STS: variants seen among roughly 807,000 people sequenced by gnomAD.
The protein encoded by STS is steryl-sulfatase.
STS carries 7 observed loss-of-function variants against 26.8 expected under a neutral mutation model. The observed-to-expected ratio is 0.26, with a 90% CI of 0.15 to 0.49. The LOEUF is 0.49. Among genes scored for constraint, STS ranks in the 20% least tolerant of loss-of-function variants. The pLI is 0.98. For synonymous variants in STS, 199 were observed against 189.4 expected (o/e 1.05, Z -0.42); for missense variants, 434 against 465.6 (o/e 0.93, Z 0.63).
intron 2 of STS, among the ~76,000 whole-genome samples, chrX:7,200,137 A>T (rs898633847): frequency 6.4e-5 from 7 of 109,684 alleles, no homozygotes; most frequent in African/African-American, 2.3e-4. Context: ...GAATATCTAG[A>T]ATCAGTTTAG....
At chrX:7,204,532 C>A (rs1401611530) in intron 2 of STS, among the ~76,000 whole-genome samples, 2 of 90,969 alleles carry the variant, frequency 2.2e-5, no homozygotes, top group African/African-American at 8.2e-5. Context: ...TCCCTCCCTC[C>A]CTCCCTCCTT....
At chrX:7,211,564 C>G (rs1921031886) in intron 2 of STS, among the ~76,000 whole-genome samples, 1 of 112,192 alleles carries the variant, frequency 8.9e-6, no homozygotes, top group South Asian at 3.7e-4. Flanking sequence ...ATTCTGCCTA[C>G]TACTCCCACG....
intron 1 of STS, among the ~76,000 whole-genome samples, chrX:7,169,221 A>G (rs758914866): frequency 9.0e-6 from 1 of 111,523 alleles, no homozygotes; most frequent in Non-Finnish European, 1.9e-5. Context: ...TCATACAAGT[A>G]GAATTATACA....
At chrX:7,229,198 G>A (rs1178850010) in intron 2 of STS, among the ~76,000 whole-genome samples, 5 of 111,998 alleles carry the variant, frequency 4.5e-5, no homozygotes, top group East Asian at 2.8e-4. Flanking sequence ...TCATATTTTC[G>A]CCTAGAAAAC....
At chrX:7,318,505 A>G (rs1362934158) in intron 8 of STS, among the ~76,000 whole-genome samples, 10 of 111,646 alleles carry the variant, frequency 9.0e-5, no homozygotes, top group African/African-American at 3.3e-4. Flanking sequence ...AAAAATTTTA[A>G]AACATTTTTT....
At chrX:7,320,663 C>T (rs1336383644) in intron 8 of STS, among the ~76,000 whole-genome samples, 2 of 111,765 alleles carry the variant, frequency 1.8e-5, no homozygotes, top group African/African-American at 6.5e-5. Context: ...GTAATTCACA[C>T]GTTGAGATTC....
intron 1 of STS, among the ~76,000 whole-genome samples, chrX:7,161,449 T>C (rs1457619473): frequency 8.9e-6 from 1 of 112,040 alleles, no homozygotes; most frequent in Non-Finnish European, 1.9e-5. Context: ...TTGCAGAAAA[T>C]GAACATCCAA....
intron 2 of STS, among the ~76,000 whole-genome samples, chrX:7,201,212 A>G (rs746055434): frequency 2.7e-5 from 3 of 111,784 alleles, no homozygotes; most frequent in African/African-American, 9.8e-5. Context: ...ATATATAGAT[A>G]TATAGATATC....
chrX:7,228,153 C>A (rs947667242), intron 2 of STS, among the ~76,000 whole-genome samples: 4 of 111,146 alleles, frequency 3.6e-5, no homozygotes, highest in Non-Finnish European at 7.5e-5. Flanking sequence ...GCTTCCATAT[C>A]TTGGCTATGG....
chrX:7,280,823 G>C (rs888899122), intron 7 of STS, among the ~76,000 whole-genome samples: 2 of 112,612 alleles, frequency 1.8e-5, no homozygotes, highest in Admixed American at 1.9e-4. Context: ...AGCAAGTTCT[G>C]TACTATTACA....
At chrX:7,271,798 A>G (rs1418996166) in intron 6 of STS, among the ~76,000 whole-genome samples, 2 of 107,768 alleles carry the variant, frequency 1.9e-5, no homozygotes, top group African/African-American at 3.4e-5. Flanking sequence ...AAAAAAAAAA[A>G]GGTTGGGGGG....
At chrX:7,325,871 G>C (rs777953324) in intron 9 of STS, among the ~76,000 whole-genome samples, 197 of 112,278 alleles carry the variant, frequency 1.8e-3, no homozygotes, top group African/African-American at 5.3e-3. Context: ...TCTCTGAGCA[G>C]TTTTCCTTCC....
chrX:7,250,041 C>G, intron 2 of STS, among the ~76,000 whole-genome samples: 1 of 110,832 alleles, frequency 9.0e-6, no homozygotes. Context: ...AATTCTCCTG[C>G]CTCAGCCTCT....
chrX:7,326,376 C>T (rs372152111), intron 9 of STS, among the ~76,000 whole-genome samples: 35 of 111,682 alleles, frequency 3.1e-4, no homozygotes, highest in African/African-American at 1.0e-3. Context: ...CTTTCGGCAT[C>T]GTGCTGACGC....
rs763458837 is a variant in STS, at chrX:7,201,660, C to T, written c.-5+10652C>T. 1.1e-4 allele frequency among the ~76,000 whole-genome samples: 12 copies of T among 110,001 alleles called. No homozygotes were observed. In the East Asian group the frequency reaches 2.6e-3, roughly 23 times the overall value. On this transcript the variant is annotated intron_variant, in intron 2 of 10. Transcript: ENST00000674429. ...GCATTCTTCTCAACAGTAATCCACT[C>T]GCAAGTTGTTATTGCTTCATGGTTT...
intron 6 of STS, among the ~76,000 whole-genome samples, chrX:7,266,091 T>C (rs993936306): frequency 8.9e-6 from 1 of 112,021 alleles, no homozygotes; most frequent in Non-Finnish European, 1.9e-5. Context: ...ATCAAAGCAA[T>C]GGTAGTATTA....
intron 2 of STS, among the ~76,000 whole-genome samples, chrX:7,228,010 T>C (rs934360971): frequency 1.8e-5 from 2 of 112,353 alleles, no homozygotes; most frequent in African/African-American, 3.2e-5. Flanking sequence ...AACATAAGGT[T>C]CTCAAGGTTC....
chrX:7,333,637 G>T (rs1465400847), intron 9 of STS, among the ~76,000 whole-genome samples: 2 of 112,407 alleles, frequency 1.8e-5, no homozygotes, highest in Non-Finnish European at 3.8e-5. Flanking sequence ...GTGTTTTGGA[G>T]AAGCAAGAGG....
intron 1 of STS, among the ~76,000 whole-genome samples, chrX:7,150,777 C>CT (rs1202578830): frequency 9.0e-6 from 1 of 110,947 alleles, no homozygotes; most frequent in African/African-American, 3.3e-5. Flanking sequence ...GAATGCTTCT[C>CT]TGTCACAAGC....
Sources: gnomAD v4.1 joint callset for allele counts (sites outside exome capture counted in the v4.1 genomes callset) on GRCh38, gnomAD v4.1.1 for gene constraint, MANE v1.5 for transcripts, NCBI Gene and HGNC (gene_info 2026-07-23, HGNC 2026-07-21) for gene names.